Variants in TTC39B observed in about 807,000 individuals in gnomAD.
The protein encoded by TTC39B is tetratricopeptide repeat domain 39B.
In TTC39B, 92 loss-of-function variants were observed where a neutral mutation model predicts 96.6. That is an observed-to-expected ratio of 0.95 (90% confidence interval 0.80 to 1.13). TTC39B has a LOEUF of 1.13. Among genes scored for constraint, TTC39B ranks in the 50% most tolerant of loss-of-function variants. The pLI, the probability that TTC39B is intolerant of heterozygous loss-of-function variation, is 0.00. For synonymous variants in TTC39B, 367 were observed against 299.4 expected, an observed-to-expected ratio of 1.23 and a Z score of -2.33; for missense variants, 955 against 809.3, an observed-to-expected ratio of 1.18 and a Z score of -2.18.
chr9:15,269,422 A>G (rs928129836), intron 1 of TTC39B, among the ~76,000 whole-genome samples: 8 of 152,216 alleles, frequency 5.3e-5, no homozygotes, highest in Admixed American at 2.0e-4. Context: ...ACCGTATCAC[A>G]CCTCATTTAG....
intron 4 of TTC39B, among the ~76,000 whole-genome samples, chr9:15,212,569 G>A (rs1365889230): frequency 6.6e-6 from 1 of 152,180 alleles, no homozygotes; most frequent in East Asian, 1.9e-4. Context: ...GGGATTACAG[G>A]CATGCACCAC....
chr9:15,188,123 C>T, exon 14 of TTC39B: 1 of 1,598,606 alleles, frequency 6.3e-7, no homozygotes, highest in Admixed American at 1.7e-5. Flanking sequence ...TTTTGAAATA[C>T]TTCTTGTGCC....
intron 1 of TTC39B, among the ~76,000 whole-genome samples, chr9:15,305,915 A>G (rs1344796170): frequency 2.6e-5 from 4 of 151,980 alleles, no homozygotes; most frequent in African/African-American, 4.8e-5. Flanking sequence ...GGGATCCTCA[A>G]TGCAAGGGAC....
intron 17 of TTC39B, among the ~76,000 whole-genome samples, chr9:15,178,921 T>C (rs1320757515): frequency 6.6e-6 from 1 of 152,200 alleles, no homozygotes; most frequent in Non-Finnish European, 1.5e-5. Context: ...TTACAACTTA[T>C]CAATTCTCCC....
intron 1 of TTC39B, among the ~76,000 whole-genome samples, chr9:15,291,187 C>A (rs1478551935): frequency 1.3e-5 from 2 of 152,178 alleles, no homozygotes; most frequent in Non-Finnish European, 2.9e-5. Context: ...TATGGTTTGG[C>A]TGTGTCCCCA....
intron 18 of TTC39B, 43 bp from the exon 19 acceptor site, chr9:15,175,178 G>C (rs747761395): frequency 7.7e-7 from 1 of 1,306,044 alleles, no homozygotes; most frequent in East Asian, 2.3e-5. Flanking sequence ...AACAGAACAA[G>C]AAATACACAT....
At chr9:15,243,958 A>G (rs16932856) in intron 2 of TTC39B, among the ~76,000 whole-genome samples, 5 of 152,292 alleles carry the variant, frequency 3.3e-5, no homozygotes, top group East Asian at 1.9e-4. Flanking sequence ...AGTGCTTACT[A>G]TCTCTTTCAG....
At chr9:15,255,373 T>C (rs1020183871) in intron 2 of TTC39B, among the ~76,000 whole-genome samples, 4 of 151,896 alleles carry the variant, frequency 2.6e-5, no homozygotes, top group African/African-American at 9.7e-5. Context: ...CGTAGAATAA[T>C]GTTCCACAAG....
intron 1 of TTC39B, among the ~76,000 whole-genome samples, chr9:15,271,684 C>T (rs1165468744): frequency 6.6e-6 from 1 of 152,180 alleles, no homozygotes; most frequent in African/African-American, 2.4e-5. Flanking sequence ...CAGTACCAGT[C>T]CACGGCTCAG....
intron 8 of TTC39B, among the ~76,000 whole-genome samples, chr9:15,193,465 G>A (rs982939599): frequency 2.0e-5 from 3 of 152,186 alleles, no homozygotes; most frequent in African/African-American, 7.2e-5. Context: ...ATTATAAAAT[G>A]TGCAACTACA....
chr9:15,285,803 C>T (rs143175296), intron 1 of TTC39B, among the ~76,000 whole-genome samples: 1 of 151,968 alleles, frequency 6.6e-6, no homozygotes, highest in Admixed American at 6.6e-5. Flanking sequence ...TGCAGTGAGC[C>T]GAGATCGCGT....
chr9:15,253,191 C>A (rs1360131315), intron 2 of TTC39B, among the ~76,000 whole-genome samples: 1 of 152,104 alleles, frequency 6.6e-6, no homozygotes, highest in Non-Finnish European at 1.5e-5. Flanking sequence ...ACAAAAGAGA[C>A]TTTATAGATA....
At chr9:15,301,298 C>T (rs982156341) in intron 1 of TTC39B, among the ~76,000 whole-genome samples, 1 of 152,204 alleles carries the variant, frequency 6.6e-6, no homozygotes, top group African/African-American at 2.4e-5. Context: ...CTACCTAAAA[C>T]CTACCCTAAC....
intron 1 of TTC39B, among the ~76,000 whole-genome samples, chr9:15,268,406 A>C (rs1361009954): frequency 1.3e-5 from 2 of 151,988 alleles, no homozygotes; most frequent in Non-Finnish European, 2.9e-5. Context: ...CCTTTCCCCC[A>C]GTTTACTCTG....
intron 2 of TTC39B, among the ~76,000 whole-genome samples, chr9:15,230,086 C>T (rs975116193): frequency 1.3e-5 from 2 of 152,082 alleles, no homozygotes; most frequent in East Asian, 3.9e-4. Context: ...ATGCATGTAC[C>T]CTTGCAAAAG....
chr9:15,300,432 A>G (rs990065590), intron 1 of TTC39B, among the ~76,000 whole-genome samples: 6 of 152,144 alleles, frequency 3.9e-5, no homozygotes, highest in African/African-American at 1.2e-4. Context: ...CTTCTGTCCA[A>G]TGCCACAGCC....
In TTC39B at chr9:15,167,028, A is replaced by ATTTTTTTTTTTTTTT. The variant is rs549150155; in HGVS notation, c.*4976_*4990dup. On this transcript the variant is annotated 3_prime_UTR_variant, in exon 20 of 20. Transcript: ENST00000512701. ...TATATATATATATATATATATATAT[A>ATTTTTTTTTTTTTTT]TTTTTTTTTTTTTTTTTTTTTTTTT... The ATTTTTTTTTTTTTTT allele has an allele frequency of 1.8e-4, 2 of 11,022 alleles. 1 individual carries two copies. Among genetic ancestry groups the ATTTTTTTTTTTTTTT allele is most frequent in the African/African-American group, 5.7e-4 (2 of 3,496 alleles). The allele number at this position is 11,022 out of a possible 1,614,324, so 0.7% of individuals were successfully genotyped here.
At chr9:15,282,827 G>C (rs2131586078) in intron 1 of TTC39B, among the ~76,000 whole-genome samples, 1 of 135,976 alleles carries the variant, frequency 7.4e-6, no homozygotes, top group South Asian at 2.5e-4. Flanking sequence ...TAAACCCACA[G>C]AGTCCAGCTT....
intron 2 of TTC39B, among the ~76,000 whole-genome samples, chr9:15,264,546 T>C (rs1242719271): frequency 6.6e-6 from 1 of 151,368 alleles, no homozygotes; most frequent in East Asian, 1.9e-4. Flanking sequence ...TCCCAGCTAC[T>C]TGGAAGGCTG....
Sources: allele counts gnomAD v4.1 joint callset (sites outside exome capture counted in the v4.1 genomes callset), GRCh38; gene constraint gnomAD v4.1.1; transcripts MANE v1.5; gene names NCBI Gene and HGNC (gene_info 2026-07-23, HGNC 2026-07-21).